The following PTPRD variants were observed in gnomAD, a reference collection of about 807,000 sequenced individuals.
PTPRD encodes receptor-type tyrosine-protein phosphatase delta.
A neutral mutation model predicts 214.5 loss-of-function variants in PTPRD; 34 were observed. The observed-to-expected ratio is 0.16, with a 90% CI of 0.12 to 0.21. The LOEUF (loss-of-function observed/expected upper bound fraction) is 0.21. Ranked by LOEUF, PTPRD falls within the 10% of genes least tolerant of loss-of-function variation. PTPRD has a pLI of 1.00. For synonymous variants in PTPRD, 1,128 were observed against 845.7 expected, an observed-to-expected ratio of 1.33 and a Z score of -5.79; for missense variants, 2,545 against 2,398.7, an observed-to-expected ratio of 1.06 and a Z score of -1.27.
intron 2 of PTPRD, among the ~76,000 whole-genome samples, chr9:10,583,494 C>A (rs1189287017): frequency 6.6e-6 from 1 of 151,664 alleles, no homozygotes; most frequent in Non-Finnish European, 1.5e-5. Flanking sequence ...CCCTGTTGCC[C>A]AGGCTGGACT....
intron 4 of PTPRD, among the ~76,000 whole-genome samples, chr9:9,999,390 C>G (rs139123199): frequency 7.9e-5 from 12 of 152,304 alleles, no homozygotes; most frequent in African/African-American, 2.9e-4. Flanking sequence ...CTTACTCAGT[C>G]CCACTGCTAC....
At chr9:9,191,905 A>G (rs564164232) in intron 9 of PTPRD, among the ~76,000 whole-genome samples, 1 of 152,190 alleles carries the variant, frequency 6.6e-6, no homozygotes, top group Admixed American at 6.6e-5. Flanking sequence ...ATTTTTGCAA[A>G]CAACAGAAAA....
At chr9:10,193,706 G>A (rs1362811896) in intron 3 of PTPRD, among the ~76,000 whole-genome samples, 1 of 152,046 alleles carries the variant, frequency 6.6e-6, no homozygotes, top group Non-Finnish European at 1.5e-5. Context: ...TTGTAGCAAA[G>A]GTTCTCCTAT....
intron 5 of PTPRD, among the ~76,000 whole-genome samples, chr9:9,772,796 A>G (rs891663085): frequency 1.3e-5 from 2 of 152,190 alleles, no homozygotes; most frequent in African/African-American, 2.4e-5. Context: ...CTATAAATTG[A>G]AAAGCAATTT....
intron 8 of PTPRD, among the ~76,000 whole-genome samples, chr9:9,485,944 AG>A (rs892211299): frequency 3.2e-4 from 48 of 152,090 alleles, no homozygotes; most frequent in African/African-American, 1.1e-3. Flanking sequence ...TGAAGTCAGG[AG>A]TTTGAGACCA....
intron 3 of PTPRD, among the ~76,000 whole-genome samples, chr9:10,152,957 A>G (rs2099071028): frequency 6.6e-6 from 1 of 152,208 alleles, no homozygotes; most frequent in Non-Finnish European, 1.5e-5. Flanking sequence ...TATCTGTGGA[A>G]TATAAAACAT....
chr9:8,793,966 T>C (rs1053553384), intron 11 of PTPRD, among the ~76,000 whole-genome samples: 1 of 152,186 alleles, frequency 6.6e-6, no homozygotes, highest in Non-Finnish European at 1.5e-5. Context: ...CTGAAGAAGT[T>C]CTTCGATTCC....
intron 11 of PTPRD, among the ~76,000 whole-genome samples, chr9:9,001,294 T>C (rs1464706581): frequency 1.3e-5 from 2 of 152,070 alleles, no homozygotes; most frequent in Admixed American, 1.3e-4. Flanking sequence ...GCAGGAGCCT[T>C]TGAGCTATCT....
chr9:9,552,695 T>A (rs1292976595), intron 8 of PTPRD, among the ~76,000 whole-genome samples: 1 of 152,070 alleles, frequency 6.6e-6, no homozygotes, highest in Non-Finnish European at 1.5e-5. Flanking sequence ...ATTCCTCGGT[T>A]CAAGGTTAGT....
intron 12 of PTPRD, among the ~76,000 whole-genome samples, chr9:8,690,713 G>T (rs991226872): frequency 3.3e-5 from 5 of 151,976 alleles, no homozygotes; most frequent in African/African-American, 1.2e-4. Flanking sequence ...AAAAAATGTA[G>T]AGAAAAGACA....
At chr9:8,733,678 C>A (rs1302082738) in intron 12 of PTPRD, 102 bp downstream of exon 12, 14 of 1,236,832 alleles carry the variant, frequency 1.1e-5, no homozygotes, top group Non-Finnish European at 1.6e-5. Context: ...TCAGGATTTA[C>A]TTCCAAAGGA....
chr9:10,228,852 C>A (rs139591695), intron 3 of PTPRD, among the ~76,000 whole-genome samples: 2 of 151,258 alleles, frequency 1.3e-5, no homozygotes, highest in African/African-American at 4.8e-5. Flanking sequence ...ATAGATATTT[C>A]CAAATTAAAA....
intron 11 of PTPRD, among the ~76,000 whole-genome samples, chr9:8,993,081 C>A (rs1440477994): frequency 6.6e-6 from 1 of 152,094 alleles, no homozygotes; most frequent in Non-Finnish European, 1.5e-5. Flanking sequence ...ATAATCTTAT[C>A]TCAGAAATCA....
At chr9:9,528,273 A>G (rs1253047511) in intron 8 of PTPRD, among the ~76,000 whole-genome samples, 4 of 152,196 alleles carry the variant, frequency 2.6e-5, no homozygotes, top group Non-Finnish European at 2.9e-5. Flanking sequence ...ACCAAAAGAA[A>G]GAAGCAAGTA....
At chr9:9,072,580 A>G (rs1003792923) in intron 10 of PTPRD, among the ~76,000 whole-genome samples, 2 of 152,168 alleles carry the variant, frequency 1.3e-5, no homozygotes, top group Admixed American at 1.3e-4. Flanking sequence ...CTTTTATAAA[A>G]ATATTTCTTC....
intron 11 of PTPRD, among the ~76,000 whole-genome samples, chr9:8,820,814 T>C (rs965363054): frequency 6.6e-6 from 1 of 152,136 alleles, no homozygotes; most frequent in African/African-American, 2.4e-5. Context: ...AATACCTCTA[T>C]ATTATGTTCC....
chr9:9,869,881 C>G (rs1490750130), intron 5 of PTPRD, among the ~76,000 whole-genome samples: 1 of 151,716 alleles, frequency 6.6e-6, no homozygotes, highest in Non-Finnish European at 1.5e-5. Flanking sequence ...GAGATTGAGA[C>G]AAGTGGGAAA....
chr9:10,033,350 A>T (rs2097118729), intron 4 of PTPRD, among the ~76,000 whole-genome samples: 1 of 151,902 alleles, frequency 6.6e-6, no homozygotes, highest in South Asian at 2.1e-4. Flanking sequence ...TTTACAAGTC[A>T]TAGCTTCAGA....
chr9:8,450,085 G>C (rs903759608), intron 33 of PTPRD, among the ~76,000 whole-genome samples: 1 of 152,046 alleles, frequency 6.6e-6, no homozygotes, highest in Non-Finnish European at 1.5e-5. Flanking sequence ...AAATAATTCA[G>C]CAACTCTGCC....
Sources: gnomAD v4.1 joint callset for allele counts (sites outside exome capture counted in the v4.1 genomes callset) on GRCh38, gnomAD v4.1.1 for gene constraint, MANE v1.5 for transcripts, NCBI Gene and HGNC (gene_info 2026-07-23, HGNC 2026-07-21) for gene names.